Variants in LNX1 observed in about 807,000 individuals in gnomAD.
LNX1 encodes E3 ubiquitin-protein ligase LNX.
LNX1 carries 54 observed loss-of-function variants against 68.4 expected under a neutral mutation model. That is an observed-to-expected ratio of 0.79 (90% CI 0.63 to 0.99). The LOEUF is 0.99. Ranked by LOEUF, LNX1 falls within the 50% of genes least tolerant of loss-of-function variation. LNX1 has a pLI of 0.00. For missense variants in LNX1, 906 were observed against 926.4 expected (o/e 0.98, Z 0.29); for synonymous variants, 336 against 350.0 (o/e 0.96, Z 0.45).
At chr4:53,651,601 C>G (rs1438377022) in intron 1 of LNX1, among the ~76,000 whole-genome samples, 2 of 152,128 alleles carry the variant, frequency 1.3e-5, no homozygotes, top group African/African-American at 2.4e-5. Context: ...AGAGTAGGGT[C>G]ACCATTCTAC....
Position 53,518,087 on chromosome 4 carries a change from A to C in LNX1, c.381-9860T>G, listed in dbSNP as rs149515634. ...ACACCAGACAGGAAAAATTCAAAAC[A>C]AGCTGGAAAGTCATGTGAAAATGCA... On this transcript the variant is annotated intron_variant, in intron 2 of 10. Transcript: ENST00000263925. Among the ~76,000 whole-genome samples the C allele has an allele frequency of 5.1e-4, 77 of 152,292 alleles. No homozygotes were observed. The East Asian group carries it at 0.012, about 24-fold the overall frequency.
At chr4:53,560,873 C>T (rs529247689) in intron 2 of LNX1, among the ~76,000 whole-genome samples, 1 of 152,302 alleles carries the variant, frequency 6.6e-6, no homozygotes, top group South Asian at 2.1e-4. Context: ...TGATGTAATC[C>T]TAATTAATAC....
chr4:53,573,605 C>G lies in LNX1; in HGVS notation c.380+18G>C. ...CGCTTGGGGGTGGGACTTACCGGCT[C>G]GCTGATGGGGGACCTACCTGGTTTG... On this transcript the variant is annotated intron_variant, in intron 2 of 10. Coordinates refer to ENST00000263925, the MANE Select transcript of LNX1 (RefSeq NM_001126328.3). 1.3e-6 allele frequency: 2 copies of G among 1,582,256 alleles called. No homozygotes were observed. The highest frequency in any genetic ancestry group is 1.2e-5 in the South Asian group (1 of 86,132).
intron 2 of LNX1, among the ~76,000 whole-genome samples, chr4:53,559,327 G>A (rs564579580): frequency 1.5e-4 from 23 of 152,326 alleles, no homozygotes; most frequent in Admixed American, 3.9e-4. Context: ...TCATGATTTT[G>A]TTGAGGTCCA....
chr4:53,584,958 G>A (rs1732072341), intron 1 of LNX1, among the ~76,000 whole-genome samples: 1 of 152,134 alleles, frequency 6.6e-6, no homozygotes, highest in African/African-American at 2.4e-5. Context: ...AGCATTGGGT[G>A]GTTCCTCCCT....
rs1309382852 is a variant in LNX1 at position 53,460,398 on chromosome 4, T to TTAAA, written c.*505_*508dup. 10 of 189,102 alleles carry TTAAA rather than the reference T, an allele frequency of 5.3e-5. No homozygotes were observed. Among genetic ancestry groups the TTAAA allele is most frequent in the Non-Finnish European group, 1.1e-4 (10 of 90,388 alleles). 11.7% of individuals were successfully genotyped at this position (189,102 alleles called of 1,614,324 possible). ...TGAAAGAATAAATTACTAGGATCTT[T>TTAAA]TAAATAGTGATAATACAAAAGTAAT... is the stretch of plus-strand genomic sequence containing the variant. On this transcript the variant is annotated 3_prime_UTR_variant, in exon 11 of 11. Transcript: ENST00000263925.
chr4:53,505,262 T>C (rs1725793909), intron 4 of LNX1, among the ~76,000 whole-genome samples: 1 of 128,482 alleles, frequency 7.8e-6, no homozygotes, highest in Non-Finnish European at 1.7e-5. Context: ...TTTTTCAAGA[T>C]AACTTTTTTT....
chr4:53,508,394 A>G lies in LNX1; in HGVS notation c.381-167T>C, dbSNP rs148100134. ...TTCCCTTTTCACACATCGGTACTCA[A>G]TATACATTTGCCAACCAAGTGAATT... On this transcript the variant is annotated intron_variant, in intron 2 of 10. Coordinates refer to ENST00000263925, the MANE Select transcript of LNX1 (RefSeq NM_001126328.3). The G allele has an allele frequency of 1.0e-3, 811 of 804,986 alleles. 5 individuals are homozygous for G. The East Asian group carries it at 0.019, about 19-fold the overall frequency. The allele number at this position is 804,986 out of a possible 1,614,324, so 49.9% of individuals were successfully genotyped here.
At chr4:53,531,186 GT>G (rs1185095158) in intron 2 of LNX1, among the ~76,000 whole-genome samples, 1 of 152,150 alleles carries the variant, frequency 6.6e-6, no homozygotes, top group Non-Finnish European at 1.5e-5. Context: ...CAGCTGAGAG[GT>G]TTCCCCCACC....
intron 2 of LNX1, chr4:53,558,071 T>C: frequency 6.5e-7 from 1 of 1,532,878 alleles, no homozygotes; most frequent in Non-Finnish European, 8.7e-7. Context: ...CCACAATCAG[T>C]AGATCACAAA....
At chr4:53,574,681 C>T (rs1249045300) in intron 1 of LNX1, among the ~76,000 whole-genome samples, 2 of 152,142 alleles carry the variant, frequency 1.3e-5, no homozygotes, top group Non-Finnish European at 2.9e-5. Flanking sequence ...GACACTTTGC[C>T]TGGGTTCAAA....
intron 6 of LNX1, among the ~76,000 whole-genome samples, chr4:53,484,197 A>G (rs751283882): frequency 6.6e-6 from 1 of 152,200 alleles, no homozygotes; most frequent in Non-Finnish European, 1.5e-5. Context: ...AGGATAGTGT[A>G]TTTTGTTATA....
At chr4:53,643,334 G>A (rs757551751) in intron 1 of LNX1, among the ~76,000 whole-genome samples, 3 of 151,992 alleles carry the variant, frequency 2.0e-5, no homozygotes, top group Admixed American at 6.6e-5. Flanking sequence ...GTTTTTTGTA[G>A]AGACAGGGTC....
At chr4:53,494,214 A>G (rs7691892) in intron 6 of LNX1, among the ~76,000 whole-genome samples, 64,807 of 151,954 alleles carry the variant, frequency 0.43, 14,858 homozygotes, top group African/African-American at 0.59. Flanking sequence ...CACAAGATCC[A>G]ATGGTTTTAT....
rs1404416151 is a variant in LNX1 at position 53,495,927 on chromosome 4, CAT to C, written c.1350+94_1350+95del. 5 of 1,406,664 alleles carry C rather than the reference CAT, an allele frequency of 3.6e-6. No homozygotes were observed. In the African/African-American group the frequency reaches 4.2e-5, roughly 12 times the overall value. 87.1% of individuals were successfully genotyped at this position (1,406,664 alleles called of 1,614,324 possible). ...CTTGAAAGGGAGGCACTGCATGACA[CAT>C]GTGGTAGTGACAGGGTGCCTGGTTC... On this transcript the variant is annotated intron_variant, in intron 6 of 10. Transcript: ENST00000263925.
intron 2 of LNX1, among the ~76,000 whole-genome samples, chr4:53,570,114 C>T (rs1436868195): frequency 6.8e-6 from 1 of 147,478 alleles, no homozygotes; most frequent in South Asian, 2.2e-4. Context: ...GGCGATTCCT[C>T]AGGGATCTAG....
At chr4:53,546,118 T>G (rs1270624102) in intron 2 of LNX1, among the ~76,000 whole-genome samples, 1 of 152,178 alleles carries the variant, frequency 6.6e-6, no homozygotes, top group Non-Finnish European at 1.5e-5. Context: ...GAGGCCACAT[T>G]TTTAATCAAT....
At chr4:53,644,988 C>T (rs1734829686) in intron 1 of LNX1, among the ~76,000 whole-genome samples, 1 of 152,160 alleles carries the variant, frequency 6.6e-6, no homozygotes, top group Non-Finnish European at 1.5e-5. Flanking sequence ...AGACCTAACT[C>T]CTCAATTCTT....
chr4:53,504,989 G>T (rs1725771319), intron 4 of LNX1, among the ~76,000 whole-genome samples: 1 of 152,148 alleles, frequency 6.6e-6, no homozygotes, highest in African/African-American at 2.4e-5. Flanking sequence ...ACCAAAATGT[G>T]ACACAGAGAC....
Sources: allele counts gnomAD v4.1 joint callset (sites outside exome capture counted in the v4.1 genomes callset), GRCh38; gene constraint gnomAD v4.1.1; transcripts MANE v1.5; gene names NCBI Gene and HGNC (gene_info 2026-07-23, HGNC 2026-07-21).